Variants in SLC28A3 observed in about 807,000 individuals in gnomAD.
SLC28A3 encodes the protein solute carrier family 28 member 3, also known as concentrative Na(+)-nucleoside cotransporter 3.
In SLC28A3, 68 loss-of-function variants were observed where a neutral mutation model predicts 84.2. The ratio of observed to expected loss-of-function variants is 0.81; its 90% CI spans 0.66 to 0.99. The LOEUF is 0.99. SLC28A3 is among the 50% of genes least tolerant of loss of function. SLC28A3 has a pLI of 0.00. For missense variants in SLC28A3, 712 were observed against 841.5 expected (o/e 0.85, Z 1.90); for synonymous variants, 267 against 303.6 (o/e 0.88, Z 1.25).
the SLC28A3 span, among the ~76,000 whole-genome samples, chr9:84,365,514 A>G: frequency 6.6e-6 from 1 of 151,794 alleles, no homozygotes. Flanking sequence ...ATATAACCCC[A>G]TTTGTTCACT....
rs953375013 is a variant in SLC28A3, at chr9:84,276,971, C to T, written c.*1247G>A. 2.0e-5 allele frequency: 3 copies of T among 152,318 alleles called. No individual in the cohort carries two copies. Among genetic ancestry groups the T allele is most frequent in the African/African-American group, 2.4e-5 (1 of 41,556 alleles). 9.4% of individuals were successfully genotyped at this position (152,318 alleles called of 1,614,324 possible). On this transcript the variant is annotated 3_prime_UTR_variant, in exon 18 of 18. Coordinates refer to ENST00000376238, the MANE Select transcript of SLC28A3 (RefSeq NM_001199633.2). ...TTAAGAGCAGTGGTGATGGGCATTTCGTTAAAGAGCACACCACCATTGTCT... is the reference window on the plus strand; with the variant it reads ...TTAAGAGCAGTGGTGATGGGCATTTTGTTAAAGAGCACACCACCATTGTCT...
Position 84,337,154 on chromosome 9 carries a change from A to C in SLC28A3, c.60+3420T>G, listed in dbSNP as rs113922909. ...AATAATAAATATAAGAATACAATGC[A>C]CTTGGTGCAAACCTCCGCCATTTTC... On this transcript the variant is annotated intron_variant, in intron 1 of 17. Transcript: ENST00000376238. Among the ~76,000 whole-genome samples the C allele has an allele frequency of 4.9e-3, 749 of 152,280 alleles. 7 individuals are homozygous for C. Among genetic ancestry groups the C allele is most frequent in the Non-Finnish European group, 6.3e-3 (430 of 68,024 alleles).
At chr9:84,286,133 C>T in intron 12 of SLC28A3, 22 bp from the exon 13 acceptor site, 1 of 1,609,716 alleles carries the variant, frequency 6.2e-7, no homozygotes, top group Non-Finnish European at 8.5e-7. Flanking sequence ...AATAGCAATT[C>T]CAGAATTACC....
Position 84,279,298 on chromosome 9 carries a change from T to G in SLC28A3, c.1916A>C (p.Lys639Thr). ...CAGACTTTGGCAACAAGCTATCACC[T>G]TGGTTGTGTTTCCAGGGAAAGTGGA... is the stretch of plus-strand genomic sequence containing the variant. The part of the protein sequence containing the change: ...FNSTFPGNTT[K>T]VIACCQSLLS... Residue 639 changes from lysine to threonine, a missense_variant, in exon 17 of 18, where the codon AAG becomes ACG. Physicochemically the swap from Lys to Thr is moderately conservative, Grantham distance 78. Coordinates refer to ENST00000376238, the MANE Select transcript of SLC28A3 (RefSeq NM_001199633.2). 2.5e-6 allele frequency: 4 copies of G among 1,613,074 alleles called. No homozygotes were observed. The highest frequency in any genetic ancestry group is 3.4e-6 in the Non-Finnish European group (4 of 1,179,480).
At chr9:84,354,025 G>C in the SLC28A3 span, among the ~76,000 whole-genome samples, 22 of 152,308 alleles carry the variant, frequency 1.4e-4, no homozygotes, top group East Asian at 4.1e-3. Context: ...TGGTGTCACT[G>C]TTCTTTGTTA....
intron 15 of SLC28A3, among the ~76,000 whole-genome samples, chr9:84,280,493 A>G (rs1824705819): frequency 6.6e-6 from 1 of 152,172 alleles, no homozygotes; most frequent in Admixed American, 6.5e-5. Context: ...TGGACTTCCA[A>G]TGGCTCTCAG....
intron 17 of SLC28A3, among the ~76,000 whole-genome samples, chr9:84,278,878 G>GAAAA (rs34802574): frequency 2.5e-5 from 3 of 120,764 alleles, no homozygotes; most frequent in Admixed American, 8.4e-5. Context: ...TTTGTGGAAT[G>GAAAA]AAAAAAAAAA....
At chr9:84,343,936 CAACAA>C (rs142070913), upstream of SLC28A3, among the ~76,000 whole-genome samples, 8,671 of 152,182 alleles carry the variant, frequency 0.057, 431 homozygotes, top group African/African-American at 0.14. Flanking sequence ...ACAAAAAATA[CAACAA>C]TTAGCCAGGT....
At chr9:84,341,255 G>C (rs1311556583), upstream of SLC28A3, among the ~76,000 whole-genome samples, 2 of 152,118 alleles carry the variant, frequency 1.3e-5, no homozygotes, top group African/African-American at 4.8e-5. Flanking sequence ...ACAGGCATGA[G>C]CCACCGTGCC....
chr9:84,349,634 C>A, the SLC28A3 span, among the ~76,000 whole-genome samples: 1 of 152,272 alleles, frequency 6.6e-6, no homozygotes, highest in South Asian at 2.1e-4. Flanking sequence ...CCATGGGAAA[C>A]CTGTCAGTAG....
chr9:84,345,847 G>A, the SLC28A3 span, among the ~76,000 whole-genome samples: 1 of 152,178 alleles, frequency 6.6e-6, no homozygotes, highest in Non-Finnish European at 1.5e-5. Context: ...CTGACTCCTT[G>A]CAGCACCAGA....
intron 2 of SLC28A3, 57 bp downstream of exon 2, chr9:84,313,302 G>T: frequency 6.8e-7 from 1 of 1,473,952 alleles, no homozygotes; most frequent in Non-Finnish European, 9.4e-7. Flanking sequence ...GTTCTCAGGT[G>T]CCTGTTGCGC....
intron 1 of SLC28A3, among the ~76,000 whole-genome samples, chr9:84,313,874 A>C (rs1435432998): frequency 2.0e-5 from 3 of 151,068 alleles, no homozygotes; most frequent in Non-Finnish European, 2.9e-5. Flanking sequence ...ACCTGAAAAA[A>C]AAAAAAAAGA....
chr9:84,346,492 G>A, the SLC28A3 span, among the ~76,000 whole-genome samples: 1 of 152,142 alleles, frequency 6.6e-6, no homozygotes, highest in South Asian at 2.1e-4. Flanking sequence ...CCTCCCTGAA[G>A]AACATTTCAT....
At chr9:84,366,106 T>G in the SLC28A3 span, among the ~76,000 whole-genome samples, 2 of 152,046 alleles carry the variant, frequency 1.3e-5, no homozygotes, top group African/African-American at 4.8e-5. Flanking sequence ...GGCTGTAAAC[T>G]GACTGTATTT....
chr9:84,332,095 G>A (rs1389771156), intron 1 of SLC28A3, among the ~76,000 whole-genome samples: 1 of 152,118 alleles, frequency 6.6e-6, no homozygotes, highest in Admixed American at 6.6e-5. Flanking sequence ...TCAATTTCAG[G>A]GGGAATAGAG....
At chr9:84,361,147 C>T in the SLC28A3 span, among the ~76,000 whole-genome samples, 4 of 152,090 alleles carry the variant, frequency 2.6e-5, no homozygotes, top group African/African-American at 9.6e-5. Context: ...AGATAGAGAC[C>T]ATCCTGGCCA....
At chr9:84,300,041 C>G (rs1825567689) in intron 5 of SLC28A3, among the ~76,000 whole-genome samples, 1 of 152,190 alleles carries the variant, frequency 6.6e-6, no homozygotes, top group African/African-American at 2.4e-5. Context: ...GATTGCCCGC[C>G]TCGGCCTCCC....
intron 13 of SLC28A3, 100 bp from the exon 14 acceptor site, chr9:84,285,642 G>A: frequency 7.8e-7 from 1 of 1,274,628 alleles, no homozygotes; most frequent in Non-Finnish European, 1.1e-6. Context: ...GTCTCCTTTA[G>A]GCAAAGAAAT....
Sources: allele counts gnomAD v4.1 joint callset (sites outside exome capture counted in the v4.1 genomes callset), GRCh38; gene constraint gnomAD v4.1.1; transcripts MANE v1.5; gene names NCBI Gene and HGNC (gene_info 2026-07-23, HGNC 2026-07-21).